ARHGEF3: variants seen among roughly 807,000 people sequenced by gnomAD.
ARHGEF3 encodes Rho guanine nucleotide exchange factor 3, also known as 59.8 kDA protein.
Under a neutral mutation model 63.2 loss-of-function variants are expected in ARHGEF3, and 28 were observed. The observed-to-expected ratio is 0.44, with a 90% CI of 0.33 to 0.61. The LOEUF (loss-of-function observed/expected upper bound fraction) is 0.61, where lower values mean the gene tolerates loss of function less well. ARHGEF3 is among the 20% of genes least tolerant of loss of function. The pLI, the probability that ARHGEF3 is intolerant of heterozygous loss-of-function variation, is 0.03. For missense variants in ARHGEF3, 533 were observed against 659.3 expected (o/e 0.81, Z 2.10); for synonymous variants, 266 against 254.2 (o/e 1.05, Z -0.44).
chr3:57,014,633 G>A (rs975507193), intron 2 of ARHGEF3, among the ~76,000 whole-genome samples: 1 of 151,366 alleles, frequency 6.6e-6, no homozygotes, highest in African/African-American at 2.4e-5. Flanking sequence ...CAGATTAACA[G>A]TTAACATAGA....
At chr3:56,759,578 C>T (rs931191369) in intron 2 of ARHGEF3, among the ~76,000 whole-genome samples, 1 of 152,192 alleles carries the variant, frequency 6.6e-6, no homozygotes, top group Non-Finnish European at 1.5e-5. Context: ...GTTGCCCATA[C>T]TGGAGTGCAG....
chr3:57,063,243 A>G (rs1202433188), intron 1 of ARHGEF3, among the ~76,000 whole-genome samples: 2 of 152,042 alleles, frequency 1.3e-5, no homozygotes, highest in African/African-American at 4.8e-5. Context: ...AAACTAAGAG[A>G]GGAGTCAGAG....
At chr3:56,859,898 C>A (rs2040011549) in intron 4 of ARHGEF3, among the ~76,000 whole-genome samples, 1 of 151,962 alleles carries the variant, frequency 6.6e-6, no homozygotes, top group Admixed American at 6.5e-5. Context: ...ATGGTTCACA[C>A]ACCTGTAATC....
intron 2 of ARHGEF3, among the ~76,000 whole-genome samples, chr3:57,019,724 T>C (rs10866005): frequency 0.26 from 39,969 of 152,100 alleles, 5,610 homozygotes; most frequent in Middle Eastern, 0.33. Context: ...TTTAAAGGCA[T>C]CTACCTTCTA....
chr3:56,877,066 C>A (rs2108242210), intron 4 of ARHGEF3, among the ~76,000 whole-genome samples: 1 of 152,320 alleles, frequency 6.6e-6, no homozygotes, highest in Non-Finnish European at 1.5e-5. Flanking sequence ...AGAGGATAAA[C>A]CTATTCAGAG....
At chr3:57,028,481 G>A (rs1188692390) in intron 2 of ARHGEF3, among the ~76,000 whole-genome samples, 2 of 102,154 alleles carry the variant, frequency 2.0e-5, no homozygotes, top group Non-Finnish European at 3.9e-5. Flanking sequence ...TCATAGGTGG[G>A]AATTGAACAA....
intron 1 of ARHGEF3, among the ~76,000 whole-genome samples, chr3:57,050,657 G>A (rs1224587351): frequency 6.6e-6 from 1 of 152,174 alleles, no homozygotes; most frequent in Non-Finnish European, 1.5e-5. Context: ...GAAAGGCTGT[G>A]AACACCACAG....
intron 3 of ARHGEF3, chr3:56,916,484 CA>C (rs1386100844): frequency 2.2e-6 from 3 of 1,386,530 alleles, no homozygotes; most frequent in Non-Finnish European, 2.8e-6. Context: ...CAGGAAGTGA[CA>C]GGGGCCATCA....
intron 1 of ARHGEF3, among the ~76,000 whole-genome samples, chr3:56,794,488 C>CAAAAAAAAAAAAAAAAAAAAAAAA (rs10557985): frequency 1.7e-5 from 2 of 116,932 alleles, no homozygotes; most frequent in African/African-American, 6.4e-5. Context: ...GACTCTATCT[C>CAAAAAAAAAAAAAAAAAAAAAAAA]AAAAAAAAAA....
At chr3:56,985,476 T>G (rs116496086) in intron 2 of ARHGEF3, among the ~76,000 whole-genome samples, 7,629 of 152,326 alleles carry the variant, frequency 0.05, 256 homozygotes, top group Non-Finnish European at 0.076. Flanking sequence ...GCAGCCAGAA[T>G]AGCATTGCAC....
chr3:56,899,032 G>A (rs766704527), intron 3 of ARHGEF3, among the ~76,000 whole-genome samples: 8 of 152,096 alleles, frequency 5.3e-5, no homozygotes, highest in African/African-American at 1.4e-4. Flanking sequence ...CCAGCCTGGC[G>A]ACAGAAAGAG....
In ARHGEF3 at chr3:56,919,923, A is replaced by C. The variant is rs183088543; in HGVS notation, c.130-37569T>G. Among the ~76,000 whole-genome samples the C allele has an allele frequency of 1.9e-3, 294 of 152,350 alleles. 1 individual carries two copies. The highest frequency in any genetic ancestry group is 3.2e-3 in the Non-Finnish European group (215 of 68,028). On this transcript the variant is annotated intron_variant, in intron 3 of 12. Coordinates refer to the ARHGEF3 transcript ENST00000338458. ...TTACTTCAGAGCTCCTGCTACAAGC[A>C]TACAGCCCTCAGAAGACACAGCGAG...
intron 2 of ARHGEF3, among the ~76,000 whole-genome samples, chr3:56,758,258 G>T (rs1382356153): frequency 6.6e-6 from 1 of 150,948 alleles, no homozygotes; most frequent in African/African-American, 2.4e-5. Context: ...TCCAGCCTGG[G>T]CGACAGAGCA....
At chr3:57,014,125 A>G (rs947086917) in intron 2 of ARHGEF3, among the ~76,000 whole-genome samples, 1 of 152,076 alleles carries the variant, frequency 6.6e-6, no homozygotes, top group Non-Finnish European at 1.5e-5. Flanking sequence ...TGACCCCTTA[A>G]GAGCTGTAAC....
At chr3:56,827,076 G>A (rs553089366) in intron 4 of ARHGEF3, among the ~76,000 whole-genome samples, 1 of 152,022 alleles carries the variant, frequency 6.6e-6, no homozygotes, top group South Asian at 2.1e-4. Flanking sequence ...CTCAAAGTCC[G>A]GAAGCCAGAA....
At chr3:56,804,235 T>C (rs923666344), upstream of ARHGEF3, among the ~76,000 whole-genome samples, 1 of 152,176 alleles carries the variant, frequency 6.6e-6, no homozygotes, top group African/African-American at 2.4e-5. Context: ...CTGTTGAATC[T>C]TTTTCCTCCT....
At chr3:56,898,863 T>C (rs1433918770) in intron 3 of ARHGEF3, among the ~76,000 whole-genome samples, 1 of 152,108 alleles carries the variant, frequency 6.6e-6, no homozygotes, top group Non-Finnish European at 1.5e-5. Context: ...AAGACCATCC[T>C]GGCTAACATG....
chr3:56,972,520 G>C (rs1177981230), intron 2 of ARHGEF3, among the ~76,000 whole-genome samples: 1 of 152,088 alleles, frequency 6.6e-6, no homozygotes, highest in Non-Finnish European at 1.5e-5. Flanking sequence ...CTATGGAGAA[G>C]GACAAAGCAG....
intron 2 of ARHGEF3, among the ~76,000 whole-genome samples, chr3:56,973,603 A>C (rs1701012008): frequency 6.6e-6 from 1 of 152,068 alleles, no homozygotes; most frequent in Non-Finnish European, 1.5e-5. Flanking sequence ...CCATGAGGGT[A>C]GGAGGAAAAC....
Sources: allele counts gnomAD v4.1 joint callset (sites outside exome capture counted in the v4.1 genomes callset), GRCh38; gene constraint gnomAD v4.1.1; transcripts MANE v1.5; gene names NCBI Gene and HGNC (gene_info 2026-07-23, HGNC 2026-07-21).